C14orf132: variants seen among roughly 807,000 people sequenced by gnomAD.
C14orf132 encodes chromosome 14 open reading frame 132.
A neutral mutation model predicts 5.8 loss-of-function variants in C14orf132; 6 were observed. The observed-to-expected ratio is 1.03, with a 90% CI of 0.57 to 2.04. The LOEUF (loss-of-function observed/expected upper bound fraction) is 2.04. Among genes scored for constraint, C14orf132 ranks in the 30% most tolerant of loss-of-function variants. The pLI is 0.00. For missense variants in C14orf132, 125 were observed against 115.8 expected (o/e 1.08, Z -0.37); for synonymous variants, 51 against 49.8 (o/e 1.02, Z -0.10).
At chr14:96,065,616 G>GTT (rs11381674) in intron 1 of C14orf132, among the ~76,000 whole-genome samples, 3 of 149,944 alleles carry the variant, frequency 2.0e-5, no homozygotes, top group East Asian at 2.0e-4. Context: ...GGATTACATA[G>GTT]TTTTTTTCTT....
chr14:96,066,565 G>A (rs1190625630), intron 1 of C14orf132, among the ~76,000 whole-genome samples: 1 of 151,956 alleles, frequency 6.6e-6, no homozygotes, highest in African/African-American at 2.4e-5. Context: ...CACAGCAATT[G>A]TTTGGGTAAA....
chr14:96,054,227 C>T (rs1483570331), intron 1 of C14orf132, among the ~76,000 whole-genome samples: 1 of 152,154 alleles, frequency 6.6e-6, no homozygotes, highest in Non-Finnish European at 1.5e-5. Flanking sequence ...AGGCTCACCA[C>T]CTCACCAAAC....
intron 1 of C14orf132, among the ~76,000 whole-genome samples, chr14:96,063,377 T>G (rs1158582911): frequency 6.6e-6 from 1 of 152,096 alleles, no homozygotes; most frequent in East Asian, 1.9e-4. Flanking sequence ...GGTACAATCT[T>G]GGCTCACTGT....
chr14:96,082,748 T>C (rs1888063542), intron 1 of C14orf132, among the ~76,000 whole-genome samples: 1 of 152,226 alleles, frequency 6.6e-6, no homozygotes, highest in South Asian at 2.1e-4. Flanking sequence ...AAGAGATGCA[T>C]GTGATACTGT....
chr14:96,081,523 G>T (rs1388765379), intron 1 of C14orf132, among the ~76,000 whole-genome samples: 3 of 152,210 alleles, frequency 2.0e-5, no homozygotes, highest in Non-Finnish European at 4.4e-5. Flanking sequence ...GGGATACTGT[G>T]ATACTGTGGA....
intron 1 of C14orf132, among the ~76,000 whole-genome samples, chr14:96,047,875 C>T (rs981507337): frequency 1.3e-5 from 2 of 152,152 alleles, no homozygotes; most frequent in South Asian, 2.1e-4. Flanking sequence ...AACTGACTAA[C>T]CTACGTCGAC....
At chr14:96,049,410 G>A (rs1366297173) in intron 1 of C14orf132, among the ~76,000 whole-genome samples, 3 of 146,586 alleles carry the variant, frequency 2.0e-5, no homozygotes, top group East Asian at 2.0e-4. Context: ...GCTTGATCTC[G>A]GCTCACTGCA....
intron 1 of C14orf132, among the ~76,000 whole-genome samples, chr14:96,073,079 T>A (rs888395793): frequency 6.6e-6 from 1 of 152,202 alleles, no homozygotes; most frequent in Non-Finnish European, 1.5e-5. Context: ...AATGGCTGCA[T>A]AATTGCTTCC....
chr14:96,081,198 C>T (rs932408043), intron 1 of C14orf132, among the ~76,000 whole-genome samples: 2 of 152,180 alleles, frequency 1.3e-5, no homozygotes, highest in South Asian at 2.1e-4. Context: ...TCATATTATG[C>T]ATGCATGTTT....
chr14:96,049,538 A>G (rs1466956282), intron 1 of C14orf132, among the ~76,000 whole-genome samples: 1 of 135,198 alleles, frequency 7.4e-6, no homozygotes, highest in Non-Finnish European at 1.6e-5. Flanking sequence ...ACATATATAC[A>G]TACGTATATA....
In C14orf132 at chr14:96,090,216, A is replaced by G. The variant is rs138673658; in HGVS notation, c.*3481A>G. The G allele has an allele frequency of 5.5e-4, 94 of 171,446 alleles. No individual in the cohort carries two copies. The highest frequency in any genetic ancestry group is 2.1e-3 in the African/African-American group (88 of 41,552). The allele number at this position is 171,446 out of a possible 1,614,324, so 10.6% of individuals were successfully genotyped here. ...AGACCAGCCTGGCCAACATGGTGAA[A>G]CCCTGTCTCTACAAAAAATACAAAA... is the stretch of plus-strand genomic sequence containing the variant. On this transcript the variant is annotated 3_prime_UTR_variant, in exon 2 of 2. Coordinates refer to ENST00000555004, the MANE Select transcript of C14orf132 (RefSeq NM_001252507.3).
intron 1 of C14orf132, among the ~76,000 whole-genome samples, chr14:96,053,503 C>T (rs948609385): frequency 3.3e-5 from 5 of 152,234 alleles, no homozygotes; most frequent in African/African-American, 1.2e-4. Flanking sequence ...AGAAGATAAG[C>T]AGAGCCTGGG....
intron 1 of C14orf132, among the ~76,000 whole-genome samples, chr14:96,040,040 C>A (rs1389425304): frequency 1.3e-5 from 2 of 152,012 alleles, no homozygotes; most frequent in African/African-American, 4.8e-5. Context: ...GACCGTGACC[C>A]GCCAAGCGTC....
rs1888426859 is a variant in C14orf132 at position 96,092,126 on chromosome 14, T to G, written c.*5391T>G. ...TCTGAAATAAAAGTGTATGATGTGT[T>G]CTGAGTCACTGTAGAAGTCATGCAT... On this transcript the variant is annotated 3_prime_UTR_variant, in exon 2 of 2. Coordinates refer to ENST00000555004, the MANE Select transcript of C14orf132 (RefSeq NM_001252507.3). 1 of 152,184 alleles carries G rather than the reference T, an allele frequency of 6.6e-6. No individual in the cohort carries two copies. Among genetic ancestry groups the G allele is most frequent in the South Asian group, 2.1e-4 (1 of 4,826 alleles). The allele number at this position is 152,184 out of a possible 1,614,324, so 9.4% of individuals were successfully genotyped here. A position where few individuals can be genotyped will look rare whatever the true frequency, so the allele number is the denominator to read the frequency against.
chr14:96,051,221 A>G (rs1465079948), intron 1 of C14orf132: 5 of 398,556 alleles, frequency 1.3e-5, no homozygotes, highest in African/African-American at 4.1e-5. Flanking sequence ...GAGTTCTTCC[A>G]GGTATCCTGT....
At chr14:96,081,111 C>T (rs1022404597) in intron 1 of C14orf132, among the ~76,000 whole-genome samples, 4 of 152,178 alleles carry the variant, frequency 2.6e-5, no homozygotes, top group Non-Finnish European at 4.4e-5. Flanking sequence ...CAGAGGCAGC[C>T]ACGATCATGA....
At chr14:96,084,801 C>A (rs369062402) in intron 1 of C14orf132, among the ~76,000 whole-genome samples, 1 of 152,276 alleles carries the variant, frequency 6.6e-6, no homozygotes, top group South Asian at 2.1e-4. Flanking sequence ...CTATTCCATC[C>A]CCTCAAGGAC....
At position 96,091,599 on chromosome 14, in the gene C14orf132, G is replaced by A. The variant is rs1372851435; in HGVS notation, c.*4864G>A. ...TTTGCTTCGTCCTGGCAGATGCCCA[G>A]TGATTGTCCCCGAGCAAGTGCCAGG... On this transcript the variant is annotated 3_prime_UTR_variant, in exon 2 of 2. Transcript: ENST00000555004. 2 of 154,786 alleles carry A rather than the reference G, an allele frequency of 1.3e-5. No homozygotes were observed. The highest frequency in any genetic ancestry group is 2.9e-5 in the Non-Finnish European group (2 of 69,878). The allele number at this position is 154,786 out of a possible 1,614,324, so 9.6% of individuals were successfully genotyped here.
At chr14:96,069,305 A>G (rs1332303068) in intron 1 of C14orf132, among the ~76,000 whole-genome samples, 2 of 99,128 alleles carry the variant, frequency 2.0e-5, no homozygotes, top group East Asian at 2.7e-4. Flanking sequence ...ATATATATAT[A>G]TGTTATTGGT....
Sources: allele counts gnomAD v4.1 joint callset (sites outside exome capture counted in the v4.1 genomes callset), GRCh38; gene constraint gnomAD v4.1.1; transcripts MANE v1.5; gene names NCBI Gene and HGNC (gene_info 2026-07-23, HGNC 2026-07-21).